The following RPTOR variants were observed in gnomAD, a reference collection of about 807,000 sequenced individuals.
The protein encoded by RPTOR is regulatory associated protein of MTOR complex 1.
Under a neutral mutation model 169.9 loss-of-function variants are expected in RPTOR, and 21 were observed. The ratio of observed to expected loss-of-function variants is 0.12; its 90% CI spans 0.09 to 0.18. RPTOR has a LOEUF of 0.18. RPTOR is among the 10% of genes least tolerant of loss of function. RPTOR has a pLI of 1.00. For synonymous variants in RPTOR, 732 were observed against 753.2 expected, an observed-to-expected ratio of 0.97 and a Z score of 0.46; for missense variants, 1,133 against 1,855.9, an observed-to-expected ratio of 0.61 and a Z score of 7.16.
chr17:80,669,393 C>T (rs559951340), intron 3 of RPTOR, among the ~76,000 whole-genome samples: 5 of 152,184 alleles, frequency 3.3e-5, no homozygotes, highest in Non-Finnish European at 7.4e-5. Context: ...TTCATTCTTT[C>T]TTTTTTTTGA....
intron 21 of RPTOR, 36 bp from the exon 22 acceptor site, chr17:80,922,688 C>T (rs2271602): frequency 0.35 from 527,302 of 1,512,132 alleles, 92,898 homozygotes; most frequent in East Asian, 0.5. Flanking sequence ...GAGCACGTCC[C>T]GTCTGACCTT....
chr17:80,723,403 G>C (rs191094114), intron 4 of RPTOR, among the ~76,000 whole-genome samples: 2 of 151,226 alleles, frequency 1.3e-5, no homozygotes, highest in Non-Finnish European at 1.5e-5. Flanking sequence ...AAGAATTGTT[G>C]CTTCTCTTGT....
In RPTOR at chr17:80,707,504, A is replaced by G. The variant is rs2066150548; in HGVS notation, c.349-337A>G. Among the ~76,000 whole-genome samples the G allele has an allele frequency of 6.6e-6, 1 of 151,526 alleles. No individual in the cohort carries two copies. The highest frequency in any genetic ancestry group is 1.5e-5 in the Non-Finnish European group (1 of 67,914). ...AACCTCAACCTCCTGGGCTTAAGTGATCCTTCCACCTCAGCTGGGACTACA... is the reference window on the plus strand; with the variant it reads ...AACCTCAACCTCCTGGGCTTAAGTGGTCCTTCCACCTCAGCTGGGACTACA... On this transcript the variant is annotated intron_variant, in intron 3 of 33. Coordinates refer to ENST00000306801, the MANE Select transcript of RPTOR (RefSeq NM_020761.3). The surrounding 1 kb of genome is among the most constrained non-coding windows in gnomAD (Gnocchi z 5.0).
At chr17:80,903,217 C>A (rs1177773623) in intron 20 of RPTOR, among the ~76,000 whole-genome samples, 2 of 152,240 alleles carry the variant, frequency 1.3e-5, no homozygotes, top group African/African-American at 4.8e-5. Context: ...AGCTGGGGGC[C>A]CTGGCCAGCG....
chr17:80,623,783 G>A (rs377318718), intron 1 of RPTOR, among the ~76,000 whole-genome samples: 71 of 152,254 alleles, frequency 4.7e-4, no homozygotes, highest in African/African-American at 1.7e-3. Flanking sequence ...TGATCTGCCC[G>A]CCTTGGCCTC....
intron 1 of RPTOR, among the ~76,000 whole-genome samples, chr17:80,546,843 C>T (rs1459789313): frequency 6.6e-6 from 1 of 152,042 alleles, no homozygotes; most frequent in South Asian, 2.1e-4. Flanking sequence ...CAAAGGCAGG[C>T]GGATCACCTG....
intron 21 of RPTOR, among the ~76,000 whole-genome samples, chr17:80,921,463 C>A (rs896799282): frequency 6.6e-6 from 1 of 152,246 alleles, no homozygotes; most frequent in Non-Finnish European, 1.5e-5. Context: ...CCCCGAAGCA[C>A]CTGGGCCCTC....
chr17:80,583,760 C>T (rs975425628), intron 1 of RPTOR, among the ~76,000 whole-genome samples: 1 of 152,228 alleles, frequency 6.6e-6, no homozygotes, highest in African/African-American at 2.4e-5. Context: ...AACGAGAATG[C>T]ACCCCCGGAA....
intron 3 of RPTOR, among the ~76,000 whole-genome samples, chr17:80,666,733 G>A (rs2065782731): frequency 6.6e-6 from 1 of 152,186 alleles, no homozygotes; most frequent in South Asian, 2.1e-4. Context: ...CCCTGCTGTA[G>A]TGGTGCAGAG....
rs2289765 is a variant in RPTOR, at chr17:80,891,830, A to G, written c.2094A>G (p.Ala698=). 224,827 of 1,608,300 alleles carry G rather than the reference A, an allele frequency of 0.14. 18,452 individuals carry two copies. The highest frequency in any genetic ancestry group is 0.31 in the African/African-American group (23,135 of 74,724). The change falls in exon 18 of 34, where the codon GCA becomes GCG. Residue 698 remains alanine, a synonymous_variant. Transcript: ENST00000306801. ...AGAACTACGCCTTGCCTTCTCCAGC[A>G]ACCACAGGTATGGCGTCTTCTCCTG... The part of the protein sequence containing the change: ...EEKNYALPSP[A]TTEGGSLTPV...
chr17:80,630,761 C>T (rs2065436005), intron 2 of RPTOR, among the ~76,000 whole-genome samples: 1 of 152,230 alleles, frequency 6.6e-6, no homozygotes. Flanking sequence ...TGGGTACAGG[C>T]AGGCCAGGGG....
chr17:80,794,560 A>T (rs1179447942), intron 7 of RPTOR, among the ~76,000 whole-genome samples: 3 of 152,174 alleles, frequency 2.0e-5, no homozygotes, highest in Non-Finnish European at 4.4e-5. Context: ...CTACTCCTGG[A>T]TATGTACCCT....
At chr17:80,895,207 T>C (rs1488823084) in intron 20 of RPTOR, among the ~76,000 whole-genome samples, 1 of 152,166 alleles carries the variant, frequency 6.6e-6, no homozygotes, top group African/African-American at 2.4e-5. Context: ...GGCCCCAGCC[T>C]ACCCGGCCCC....
intron 10 of RPTOR, among the ~76,000 whole-genome samples, chr17:80,838,743 C>T (rs966401439): frequency 1.3e-5 from 2 of 152,190 alleles, no homozygotes; most frequent in African/African-American, 4.8e-5. Context: ...AGGGGACCAG[C>T]ATCCCCGCCT....
In RPTOR at chr17:80,959,318, C is replaced by CGGGGGCTT. The variant is rs1414996995; in HGVS notation, c.3478-760_3478-759insGGGGGCTT. Among the ~76,000 whole-genome samples, 2 of 152,162 alleles carry CGGGGGCTT rather than the reference C, an allele frequency of 1.3e-5. No individual in the cohort carries two copies. Among genetic ancestry groups the CGGGGGCTT allele is most frequent in the East Asian group, 3.9e-4 (2 of 5,170 alleles). On this transcript the variant is annotated intron_variant, in intron 29 of 33. Transcript: ENST00000306801. This position sits in a 1 kb window ranked among gnomAD's most constrained non-coding sequence, Gnocchi z 6.7. ...ACCCTGATCCTCAGGGTCTGGTCAC[C>CGGGGGCTT]AGTGGGGGCTTAGAGGCCCAGGTGG...
chr17:80,851,367 T>C (rs1323586390), intron 11 of RPTOR, among the ~76,000 whole-genome samples: 1 of 152,204 alleles, frequency 6.6e-6, no homozygotes, highest in South Asian at 2.1e-4. Context: ...TTGTTGTTTT[T>C]AAGTACAGAA....
chr17:80,881,917 C>A (rs1031673093), intron 14 of RPTOR, among the ~76,000 whole-genome samples: 8 of 152,314 alleles, frequency 5.3e-5, no homozygotes, highest in African/African-American at 1.7e-4. Context: ...TTTGTTTCTT[C>A]AGTGCTTTGT....
At chr17:80,962,034 C>T (rs1346704702) in intron 31 of RPTOR, among the ~76,000 whole-genome samples, 2 of 152,188 alleles carry the variant, frequency 1.3e-5, no homozygotes, top group Non-Finnish European at 2.9e-5. Flanking sequence ...GCAGGAGCCA[C>T]GGGGCCTCAA....
intron 3 of RPTOR, among the ~76,000 whole-genome samples, chr17:80,644,734 C>T (rs1160289699): frequency 2.6e-5 from 4 of 152,130 alleles, no homozygotes; most frequent in South Asian, 2.1e-4. Context: ...TTTAGAGATT[C>T]CTTATACATT....
Sources: allele counts gnomAD v4.1 joint callset (sites outside exome capture counted in the v4.1 genomes callset), GRCh38; gene constraint gnomAD v4.1.1; non-coding constraint Gnocchi (gnomAD v3.1); transcripts MANE v1.5; gene names NCBI Gene and HGNC (gene_info 2026-07-23, HGNC 2026-07-21).